The following CFAP47 variants were observed in gnomAD, a reference collection of about 807,000 sequenced individuals.
CFAP47 encodes the protein cilia- and flagella-associated protein 47.
In CFAP47, 29 loss-of-function variants were observed where a neutral mutation model predicts 148.1. The observed-to-expected ratio is 0.20, with a 90% CI of 0.15 to 0.27. CFAP47 has a LOEUF of 0.27. Ranked by LOEUF, CFAP47 falls within the 10% of genes least tolerant of loss-of-function variation. The probability of loss-of-function intolerance (pLI) is 1.00; values close to 1 mark genes in which losing one functional copy is unlikely to be tolerated. For synonymous variants in CFAP47, 664 were observed against 577.3 expected (o/e 1.15, Z -2.15); for missense variants, 1,872 against 1,697.5 (o/e 1.10, Z -1.81).
intron 63 of CFAP47, among the ~76,000 whole-genome samples, chrX:36,384,355 AAAAT>A (rs200600066): frequency 3.6e-5 from 4 of 110,216 alleles, no homozygotes; most frequent in South Asian, 3.8e-4. Flanking sequence ...ATAAAAAATA[AAAAT>A]AAATAAATAA....
At chrX:36,172,771 G>A (rs2146859471) in intron 39 of CFAP47, among the ~76,000 whole-genome samples, 1 of 111,407 alleles carries the variant, frequency 9.0e-6, no homozygotes, top group Admixed American at 9.5e-5. Flanking sequence ...TTTTTTGGTT[G>A]TGTCTCTGCC....
At chrX:36,113,841 G>A (rs1183374325) in intron 33 of CFAP47, among the ~76,000 whole-genome samples, 2 of 99,056 alleles carry the variant, frequency 2.0e-5, no homozygotes, top group African/African-American at 3.8e-5. Flanking sequence ...TTGGAGTCTC[G>A]CTCTGTCGCC....
Position 35,989,337 on chromosome X carries a change from C to T in CFAP47, c.2732C>T (p.Ser911Phe). ...CPAKGTVEAY[S>F]SLECEVTWQQ... ...TCCGTAGGCACTGTTGAAGCATATT[C>T]CTCACTGGAATGTGAAGTAACTTGG... The change falls in exon 16 of 64, where the codon TCC (serine) becomes TTC (phenylalanine). Residue 911 changes from serine (S) to phenylalanine (F), a missense_variant. Coordinates refer to ENST00000378653, the MANE Select transcript of CFAP47 (RefSeq NM_001304548.2). 8.3e-7 allele frequency: 1 copy of T among 1,206,474 alleles called. No individual in the cohort carries two copies. Among genetic ancestry groups the T allele is most frequent in the Non-Finnish European group, 1.1e-6 (1 of 890,805 alleles).
At chrX:36,098,967 T>C in intron 31 of CFAP47, 93 bp downstream of exon 31, 1 of 378,252 alleles carries the variant, frequency 2.6e-6, no homozygotes, top group Admixed American at 5.1e-5. Context: ...TTCAGACTGT[T>C]GAGTTTTATA....
At position 36,165,099 on chromosome X, in the gene CFAP47, C is replaced by T. The variant is rs938992235; in HGVS notation, c.6026+4330C>T. On this transcript the variant is annotated intron_variant, in intron 39 of 63. Coordinates refer to ENST00000378653, the MANE Select transcript of CFAP47 (RefSeq NM_001304548.2). ...CACTTAGCATAATGTCCTCCAGGTT[C>T]ATCCACGTTGTTACAGATGCAAGAC... Among the ~76,000 whole-genome samples, 10 of 111,920 alleles carry T rather than the reference C, an allele frequency of 8.9e-5. No homozygotes were observed. In the Admixed American group the frequency reaches 9.5e-4, roughly 11 times the overall value.
intron 35 of CFAP47, among the ~76,000 whole-genome samples, chrX:36,139,399 T>G (rs985197962): frequency 2.2e-4 from 24 of 111,526 alleles, no homozygotes; most frequent in African/African-American, 2.9e-4. Flanking sequence ...AACAGAGACA[T>G]AGGCATATAC....
At chrX:36,109,901 A>G (rs1233571556) in intron 33 of CFAP47, among the ~76,000 whole-genome samples, 1 of 112,050 alleles carries the variant, frequency 8.9e-6, no homozygotes, top group Non-Finnish European at 1.9e-5. Context: ...GGCTGCATGT[A>G]TGTCTTTTGA....
Position 35,979,800 on chromosome X carries a change from T to A in CFAP47, c.2713+3887T>A, listed in dbSNP as rs182052040. Among the ~76,000 whole-genome samples, 9 of 111,508 alleles carry A rather than the reference T, an allele frequency of 8.1e-5. 1 individual carries two copies. Among genetic ancestry groups the A allele is most frequent in the Admixed American group, 6.7e-4 (7 of 10,471 alleles). ...CAGTCTTTTAAAAGGCAGAAAAATA[T>A]AAGAAGGTAGATTTTACCATGGCAG... On this transcript the variant is annotated intron_variant, in intron 15 of 63. Transcript: ENST00000378653.
intron 49 of CFAP47, among the ~76,000 whole-genome samples, chrX:36,264,199 C>T (rs1483224809): frequency 8.9e-6 from 1 of 111,743 alleles, no homozygotes; most frequent in African/African-American, 3.3e-5. Flanking sequence ...GGGGTCTCTT[C>T]TGGAGCTACG....
intron 1 of CFAP47, among the ~76,000 whole-genome samples, chrX:35,920,936 A>G (rs1273614592): frequency 3.6e-5 from 4 of 112,200 alleles, no homozygotes; most frequent in Admixed American, 2.9e-4. Context: ...ACCTATGTTA[A>G]TGATTAGAAG....
intron 48 of CFAP47, among the ~76,000 whole-genome samples, chrX:36,247,295 C>T (rs1940627804): frequency 9.0e-6 from 1 of 110,631 alleles, no homozygotes; most frequent in South Asian, 3.8e-4. Flanking sequence ...AAGGAGGGGG[C>T]ATGTGTTGAA....
intron 26 of CFAP47, among the ~76,000 whole-genome samples, chrX:36,063,735 G>A (rs1937613088): frequency 8.9e-6 from 1 of 111,928 alleles, no homozygotes; most frequent in Non-Finnish European, 1.9e-5. Context: ...AGATGATGAT[G>A]CATGGGTCTG....
chrX:36,282,591 T>C (rs1262951720), intron 50 of CFAP47, among the ~76,000 whole-genome samples: 1 of 111,615 alleles, frequency 9.0e-6, no homozygotes, highest in Admixed American at 9.5e-5. Context: ...ACATGGATCC[T>C]TTTTTAAAGA....
intron 2 of CFAP47, among the ~76,000 whole-genome samples, chrX:35,927,596 GGTGTGT>G (rs371527797): frequency 1.2e-4 from 13 of 106,298 alleles, no homozygotes; most frequent in African/African-American, 4.5e-4. Context: ...GTTGAAGGAA[GGTGTGT>G]GTGTGTGTGT....
chrX:36,240,378 T>C (rs1940526984), intron 48 of CFAP47, among the ~76,000 whole-genome samples: 1 of 110,647 alleles, frequency 9.0e-6, no homozygotes, highest in African/African-American at 3.3e-5. Context: ...AAATCCCATC[T>C]AAAGAATTAA....
intron 22 of CFAP47, among the ~76,000 whole-genome samples, chrX:36,027,989 C>T (rs185729545): frequency 4.5e-5 from 5 of 111,448 alleles, no homozygotes; most frequent in African/African-American, 1.6e-4. Flanking sequence ...CCTTTGCCCA[C>T]TTTTTAATGG....
Position 36,160,304 on chromosome X carries a change from C to A in CFAP47, c.5938-377C>A, listed in dbSNP as rs181086264. 2.7e-3 allele frequency among the ~76,000 whole-genome samples: 303 copies of A among 111,342 alleles called. 2 individuals carry two copies. Among genetic ancestry groups the A allele is most frequent in the Non-Finnish European group, 4.7e-3 (251 of 53,100 alleles). ...TAATGAACATGTACTTTTCCCAACCCTCTCACACAAATTATCTGAAACAAG... is the reference window on the plus strand; with the variant it reads ...TAATGAACATGTACTTTTCCCAACCATCTCACACAAATTATCTGAAACAAG... On this transcript the variant is annotated intron_variant, in intron 38 of 63. Coordinates refer to ENST00000378653, the MANE Select transcript of CFAP47 (RefSeq NM_001304548.2).
intron 45 of CFAP47, among the ~76,000 whole-genome samples, chrX:36,206,685 C>T (rs1396504036): frequency 3.6e-5 from 4 of 111,738 alleles, no homozygotes; most frequent in Admixed American, 2.9e-4. Context: ...CCTTATTAAA[C>T]ACTCATGAAG....
At chrX:36,107,917 CTATT>C (rs1443924396) in intron 33 of CFAP47, among the ~76,000 whole-genome samples, 1 of 111,401 alleles carries the variant, frequency 9.0e-6, no homozygotes, top group Admixed American at 9.6e-5. Flanking sequence ...CCTTCAATCT[CTATT>C]TATTTATTTT....
Sources: gnomAD v4.1 joint callset for allele counts (sites outside exome capture counted in the v4.1 genomes callset) on GRCh38, gnomAD v4.1.1 for gene constraint, MANE v1.5 for transcripts, NCBI Gene and HGNC (gene_info 2026-07-23, HGNC 2026-07-21) for gene names.